Variants in PLCL2 observed in about 807,000 individuals in gnomAD.
PLCL2 encodes inactive phospholipase C-like protein 2.
PLCL2 carries 4 observed loss-of-function variants against 79.6 expected under a neutral mutation model. The ratio of observed to expected loss-of-function variants is 0.05; its 90% CI spans 0.02 to 0.11. The LOEUF (loss-of-function observed/expected upper bound fraction) is 0.11. Ranked by LOEUF, PLCL2 falls within the 10% of genes least tolerant of loss-of-function variation. The pLI is 1.00. For synonymous variants in PLCL2, 484 were observed against 457.7 expected, an observed-to-expected ratio of 1.06 and a Z score of -0.73; for missense variants, 895 against 1,291.0, an observed-to-expected ratio of 0.69 and a Z score of 4.70.
At chr3:16,969,588 T>C (rs1475551145) in intron 1 of PLCL2, among the ~76,000 whole-genome samples, 1 of 152,066 alleles carries the variant, frequency 6.6e-6, no homozygotes, top group African/African-American at 2.4e-5. Flanking sequence ...AGTGATTATA[T>C]CCCCTTTGTC....
At chr3:16,916,979 C>A (rs1185879578) in intron 1 of PLCL2, among the ~76,000 whole-genome samples, 1 of 152,092 alleles carries the variant, frequency 6.6e-6, no homozygotes, top group Non-Finnish European at 1.5e-5. Flanking sequence ...TCGTACGAGC[C>A]CCTGGGAGAC....
chr3:16,924,011 A>C (rs1299872571), intron 1 of PLCL2, among the ~76,000 whole-genome samples: 1 of 152,152 alleles, frequency 6.6e-6, no homozygotes, highest in East Asian at 1.9e-4. Context: ...CATCATTCTC[A>C]TGATTTCCTT....
chr3:17,037,506 T>C (rs1287526126), intron 3 of PLCL2, among the ~76,000 whole-genome samples: 1 of 152,226 alleles, frequency 6.6e-6, no homozygotes, highest in Non-Finnish European at 1.5e-5. Flanking sequence ...TTATAGCAAC[T>C]TAAGGACTTC....
At position 17,036,641 on chromosome 3, in the gene PLCL2, G is replaced by A. The variant is rs2064658632; in HGVS notation, c.3019-6233G>A. 3.3e-5 allele frequency among the ~76,000 whole-genome samples: 5 copies of A among 152,186 alleles called. No individual in the cohort carries two copies. The South Asian group carries it at 1.0e-3, about 32-fold the overall frequency. ...TGATCTTACTTTCTGTCCCATTCATGGCATTAGTGAACTAACTGGCTTTGC... is the reference window on the plus strand; with the variant it reads ...TGATCTTACTTTCTGTCCCATTCATAGCATTAGTGAACTAACTGGCTTTGC... On this transcript the variant is annotated intron_variant, in intron 3 of 5. Transcript: ENST00000615277.
chr3:16,998,883 A>G (rs759400979), intron 1 of PLCL2, among the ~76,000 whole-genome samples: 1 of 152,202 alleles, frequency 6.6e-6, no homozygotes, highest in Non-Finnish European at 1.5e-5. Context: ...CCTGTTACAG[A>G]AATTGGAAAT....
chr3:16,994,777 C>T (rs1332059722), intron 1 of PLCL2, among the ~76,000 whole-genome samples: 1 of 152,270 alleles, frequency 6.6e-6, no homozygotes, highest in African/African-American at 2.4e-5. Flanking sequence ...CTTCTACCAC[C>T]GTGTTCCCTT....
chr3:17,024,317 G>T (rs2064490360), intron 3 of PLCL2, among the ~76,000 whole-genome samples: 3 of 152,066 alleles, frequency 2.0e-5, no homozygotes, highest in African/African-American at 7.2e-5. Flanking sequence ...GAAAAAGGAG[G>T]GTGAAGTGTG....
intron 1 of PLCL2, among the ~76,000 whole-genome samples, chr3:17,001,059 C>T (rs1221104687): frequency 6.6e-6 from 1 of 151,260 alleles, no homozygotes; most frequent in Non-Finnish European, 1.5e-5. Context: ...CCTTTCTTCA[C>T]ATCTACACCA....
In PLCL2 at chr3:17,014,697, C is replaced by T. The variant is rs1478137859; in HGVS notation, c.2815-11C>T. ...GTTAATTACAAATGCTCCTTTCATT[C>T]CATTTAACAGAATGCGGTGGTGTCA... On this transcript the variant is annotated splice_polypyrimidine_tract_variant and intron_variant, in intron 2 of 5. Coordinates refer to ENST00000615277, the MANE Select transcript of PLCL2 (RefSeq NM_001144382.2). 6.2e-7 allele frequency: 1 copy of T among 1,601,946 alleles called. No homozygotes were observed. Among genetic ancestry groups the T allele is most frequent in the East Asian group, 2.2e-5 (1 of 44,828 alleles).
chr3:16,962,214 A>T (rs929966513), intron 1 of PLCL2, among the ~76,000 whole-genome samples: 3 of 152,206 alleles, frequency 2.0e-5, no homozygotes, highest in Admixed American at 6.5e-5. Flanking sequence ...AGGTTATTTT[A>T]AAAAAGATTT....
At chr3:16,934,242 TG>T (rs933046913) in intron 1 of PLCL2, among the ~76,000 whole-genome samples, 1 of 152,148 alleles carries the variant, frequency 6.6e-6, no homozygotes, top group African/African-American at 2.4e-5. Context: ...GCTGTGGTTT[TG>T]GGTAAGTGCA....
chr3:16,983,316 G>A (rs893528070), intron 1 of PLCL2, among the ~76,000 whole-genome samples: 6 of 152,202 alleles, frequency 3.9e-5, no homozygotes, highest in African/African-American at 1.2e-4. Flanking sequence ...CAGAGTAAGT[G>A]ACTCTTGTGG....
intron 1 of PLCL2, among the ~76,000 whole-genome samples, chr3:16,912,321 G>C (rs547664283): frequency 1.3e-5 from 2 of 152,236 alleles, no homozygotes; most frequent in African/African-American, 4.8e-5. Context: ...AACTGACATG[G>C]AAGGATGAAA....
intron 3 of PLCL2, among the ~76,000 whole-genome samples, chr3:17,017,407 A>G (rs2064396701): frequency 1.3e-5 from 2 of 152,214 alleles, no homozygotes; most frequent in African/African-American, 4.8e-5. Flanking sequence ...GGCTGCAGCA[A>G]TATTATAACT....
intron 1 of PLCL2, among the ~76,000 whole-genome samples, chr3:16,997,971 C>G (rs1458609703): frequency 6.6e-6 from 1 of 152,142 alleles, no homozygotes; most frequent in African/African-American, 2.4e-5. Flanking sequence ...GGGCAATTCT[C>G]CTTAATTTTA....
intron 5 of PLCL2, among the ~76,000 whole-genome samples, chr3:17,085,232 C>T (rs2065205368): frequency 6.6e-6 from 1 of 151,826 alleles, no homozygotes; most frequent in Admixed American, 6.6e-5. Context: ...CTTCCCTGGG[C>T]TCAGGTGATC....
intron 1 of PLCL2, among the ~76,000 whole-genome samples, chr3:16,984,757 C>T (rs1056391075): frequency 2.0e-5 from 3 of 151,978 alleles, no homozygotes; most frequent in African/African-American, 2.4e-5. Context: ...ATGGTGAAAC[C>T]CTGTCTCTAC....
In PLCL2 at chr3:16,885,365, A is replaced by C. The variant is rs964264192; in HGVS notation, c.326A>C (p.Lys109Thr). 1 of 629,360 alleles carries C rather than the reference A, an allele frequency of 1.6e-6. No individual in the cohort carries two copies. The highest frequency in any genetic ancestry group is 1.9e-5 in the African/African-American group (1 of 52,708). 39.0% of individuals were successfully genotyped at this position (629,360 alleles called of 1,614,324 possible). ...GGLPRRSSII[K>T]DGTKQKRERK... ...CTGCCCCGCCGGAGCAGCATCATCA[A>C]GGTAGGTGGGAGAAGGGCGCTCATC... Residue 109 changes from lysine to threonine, a missense_variant and splice_region_variant, in exon 1 of 6, where the codon AAG (lysine) becomes ACG (threonine). This residue lies in a region of PLCL2 where 110 missense variants were observed against 42.9 expected (regional missense o/e 2.56). Transcript: ENST00000615277.
At chr3:16,892,549 A>G (rs1002439526) in intron 1 of PLCL2, among the ~76,000 whole-genome samples, 4 of 152,294 alleles carry the variant, frequency 2.6e-5, no homozygotes, top group African/African-American at 9.6e-5. Flanking sequence ...AATATTTGCT[A>G]GTCACATGGT....
Sources: gnomAD v4.1 joint callset for allele counts (sites outside exome capture counted in the v4.1 genomes callset) on GRCh38, gnomAD v4.1.1 for gene constraint, gnomAD v4.1.1 regional missense constraint, MANE v1.5 for transcripts, NCBI Gene and HGNC (gene_info 2026-07-23, HGNC 2026-07-21) for gene names.